The following GPC5 variants were observed in gnomAD, a reference collection of about 807,000 sequenced individuals.
GPC5 encodes glypican 5, also known as glypican-5.
In GPC5, 47 loss-of-function variants were observed where a neutral mutation model predicts 53.9. That is an observed-to-expected ratio of 0.87 (90% CI 0.69 to 1.11). The LOEUF (loss-of-function observed/expected upper bound fraction) is 1.11, where lower values mean the gene tolerates loss of function less well. GPC5 is among the 50% of genes most tolerant of loss of function. The pLI, the probability that GPC5 is intolerant of heterozygous loss-of-function variation, is 0.00. For synonymous variants in GPC5, 286 were observed against 263.3 expected, an observed-to-expected ratio of 1.09 and a Z score of -0.84; for missense variants, 748 against 713.1, an observed-to-expected ratio of 1.05 and a Z score of -0.56.
chr13:92,603,454 C>A (rs560663153), intron 7 of GPC5, among the ~76,000 whole-genome samples: 19 of 152,140 alleles, frequency 1.2e-4, no homozygotes, highest in African/African-American at 4.1e-4. Flanking sequence ...TTTACTAAAC[C>A]TAGATTGTAT....
chr13:91,513,297 A>T (rs1337143217), intron 2 of GPC5, among the ~76,000 whole-genome samples: 1 of 152,190 alleles, frequency 6.6e-6, no homozygotes, highest in Admixed American at 6.5e-5. Flanking sequence ...CTAGGATAAT[A>T]ACATTGATAC....
At chr13:91,905,996 G>A (rs1041087924) in intron 5 of GPC5, among the ~76,000 whole-genome samples, 19 of 152,136 alleles carry the variant, frequency 1.2e-4, no homozygotes, top group Non-Finnish European at 2.4e-4. Context: ...CCTGAGTAGT[G>A]TACATTGTAC....
chr13:92,034,200 T>G (rs932733590), intron 6 of GPC5, among the ~76,000 whole-genome samples: 1 of 152,002 alleles, frequency 6.6e-6, no homozygotes, highest in Non-Finnish European at 1.5e-5. Flanking sequence ...TATAATAAAA[T>G]CAAAAGGAAA....
At chr13:92,116,267 A>G (rs1204689448) in intron 6 of GPC5, among the ~76,000 whole-genome samples, 2 of 11,028 alleles carry the variant, frequency 1.8e-4, no homozygotes, top group Non-Finnish European at 2.1e-3. Context: ...ACAAACAAAC[A>G]AACAAAAAAA....
intron 7 of GPC5, among the ~76,000 whole-genome samples, chr13:92,740,896 T>TTATATATA (rs59036154): frequency 5.9e-5 from 8 of 134,904 alleles, no homozygotes; most frequent in Admixed American, 3.0e-4. Flanking sequence ...ATTTATTTAT[T>TTATATATA]TATATATATA....
intron 6 of GPC5, among the ~76,000 whole-genome samples, chr13:91,922,317 C>A (rs1034144469): frequency 2.0e-5 from 3 of 151,956 alleles, no homozygotes; most frequent in Non-Finnish European, 4.4e-5. Context: ...TTAAAAAAAA[C>A]TAAAGGCGAA....
chr13:92,289,133 A>T (rs1263267977), intron 7 of GPC5, among the ~76,000 whole-genome samples: 1 of 152,052 alleles, frequency 6.6e-6, no homozygotes, highest in Non-Finnish European at 1.5e-5. Context: ...TCAAGGAAGT[A>T]ATTGGAAGCT....
chr13:91,681,538 A>G (rs1401439754), intron 2 of GPC5, among the ~76,000 whole-genome samples: 1 of 152,308 alleles, frequency 6.6e-6, no homozygotes, highest in East Asian at 1.9e-4. Flanking sequence ...TTTTCCCTGA[A>G]TTTAACTTCA....
At chr13:92,299,059 A>G (rs985309632) in intron 7 of GPC5, among the ~76,000 whole-genome samples, 1 of 152,136 alleles carries the variant, frequency 6.6e-6, no homozygotes, top group Non-Finnish European at 1.5e-5. Flanking sequence ...AATTTTATAA[A>G]ATTTTGGTTT....
intron 7 of GPC5, among the ~76,000 whole-genome samples, chr13:92,478,142 ATTTT>A (rs1275629278): frequency 6.6e-6 from 1 of 152,066 alleles, no homozygotes; most frequent in Non-Finnish European, 1.5e-5. Context: ...CAGTATTTTG[ATTTT>A]TAGCTATAAT....
chr13:91,585,493 T>C (rs2032527192), intron 2 of GPC5, among the ~76,000 whole-genome samples: 1 of 152,122 alleles, frequency 6.6e-6, no homozygotes, highest in African/African-American at 2.4e-5. Flanking sequence ...CTCAAAAACA[T>C]GGGTGAATCT....
chr13:92,242,513 A>G (rs1594030060), intron 7 of GPC5, among the ~76,000 whole-genome samples: 1 of 152,102 alleles, frequency 6.6e-6, no homozygotes, highest in African/African-American at 2.4e-5. Context: ...TAATCTCTTC[A>G]GGTTTGAAAT....
chr13:92,355,156 T>G (rs2043511632), intron 7 of GPC5, among the ~76,000 whole-genome samples: 1 of 151,832 alleles, frequency 6.6e-6, no homozygotes, highest in African/African-American at 2.4e-5. Context: ...TTTTATCTAT[T>G]TGAAGAAAAA....
intron 7 of GPC5, among the ~76,000 whole-genome samples, chr13:92,145,466 T>C (rs1252653861): frequency 2.0e-5 from 3 of 152,032 alleles, no homozygotes; most frequent in Non-Finnish European, 4.4e-5. Flanking sequence ...ATTTAATGCT[T>C]ATGAATTTCC....
At chr13:92,666,486 G>T (rs1428764672) in intron 7 of GPC5, among the ~76,000 whole-genome samples, 1 of 151,206 alleles carries the variant, frequency 6.6e-6, no homozygotes, top group African/African-American at 2.4e-5. Context: ...TTAAAAAAAT[G>T]CTATCAATAA....
intron 3 of GPC5, among the ~76,000 whole-genome samples, chr13:91,702,701 T>C (rs2036019204): frequency 6.6e-6 from 1 of 152,082 alleles, no homozygotes; most frequent in Non-Finnish European, 1.5e-5. Context: ...TGATAGAGAT[T>C]GCACTGAATC....
intron 7 of GPC5, among the ~76,000 whole-genome samples, chr13:92,590,422 A>G (rs778475548): frequency 6.6e-6 from 1 of 152,176 alleles, no homozygotes; most frequent in Non-Finnish European, 1.5e-5. Flanking sequence ...TAGAATTGAC[A>G]GACTGCGCAC....
At position 91,400,660 on chromosome 13, in the gene GPC5, A is replaced by G. The variant is rs889107157; in HGVS notation, c.163+1451A>G. 6.6e-5 allele frequency among the ~76,000 whole-genome samples: 10 copies of G among 152,112 alleles called. 1 individual carries two copies. In the South Asian group the frequency reaches 1.7e-3, roughly 25 times the overall value. ...GAATTATTAGATTTTTAGTCCCCAA[A>G]TATGGTAACTTTGCCTGCTATGTTC... is the stretch of plus-strand genomic sequence containing the variant. On this transcript the variant is annotated intron_variant, in intron 1 of 7. Transcript: ENST00000377067.
At chr13:91,884,050 T>C (rs1039678774) in intron 5 of GPC5, among the ~76,000 whole-genome samples, 6 of 152,026 alleles carry the variant, frequency 3.9e-5, no homozygotes, top group Non-Finnish European at 5.9e-5. Context: ...CTACAGTGAG[T>C]TACCATCTCA....
Sources: gnomAD v4.1 joint callset for allele counts (sites outside exome capture counted in the v4.1 genomes callset) on GRCh38, gnomAD v4.1.1 for gene constraint, MANE v1.5 for transcripts, NCBI Gene and HGNC (gene_info 2026-07-23, HGNC 2026-07-21) for gene names.